The following SLC14A2 variants were observed in gnomAD, a reference collection of about 807,000 sequenced individuals.
SLC14A2 encodes solute carrier family 14 member 2, also known as urea transporter 2.
In SLC14A2, 91 loss-of-function variants were observed where a neutral mutation model predicts 104.6. The observed-to-expected ratio is 0.87, with a 90% CI of 0.73 to 1.04. The LOEUF is 1.04. SLC14A2 is among the 50% of genes least tolerant of loss of function. The pLI, the probability that SLC14A2 is intolerant of heterozygous loss-of-function variation, is 0.00. For synonymous variants in SLC14A2, 476 were observed against 466.4 expected (o/e 1.02, Z -0.27); for missense variants, 1,189 against 1,156.0 (o/e 1.03, Z -0.41).
At chr18:45,579,621 G>A (rs1424630244) in intron 2 of SLC14A2, among the ~76,000 whole-genome samples, 1 of 152,210 alleles carries the variant, frequency 6.6e-6, no homozygotes, top group Non-Finnish European at 1.5e-5. Context: ...TTTCATGTCA[G>A]CAGCATGAAA....
intron 1 of SLC14A2, among the ~76,000 whole-genome samples, chr18:45,402,413 G>C (rs1275252958): frequency 6.6e-6 from 1 of 152,130 alleles, no homozygotes; most frequent in Non-Finnish European, 1.5e-5. Context: ...AGCCCTCATC[G>C]CTGTCATTAT....
chr18:45,231,719 T>C (rs749242953), intron 1 of SLC14A2, among the ~76,000 whole-genome samples: 3 of 152,208 alleles, frequency 2.0e-5, no homozygotes, highest in Non-Finnish European at 4.4e-5. Context: ...TGCTGGCAAG[T>C]GAGGGGCATG....
At chr18:45,220,407 C>T (rs1054613985) in intron 1 of SLC14A2, among the ~76,000 whole-genome samples, 1 of 152,152 alleles carries the variant, frequency 6.6e-6, no homozygotes, top group African/African-American at 2.4e-5. Context: ...TTACTTAGTC[C>T]TAGGTTTCTG....
chr18:45,312,210 G>A (rs966290453), intron 1 of SLC14A2, among the ~76,000 whole-genome samples: 2 of 152,122 alleles, frequency 1.3e-5, no homozygotes, highest in Admixed American at 6.5e-5. Context: ...AGCACTTAAC[G>A]TGGTGTTTTT....
At chr18:45,226,422 A>G (rs2144008271) in intron 1 of SLC14A2, among the ~76,000 whole-genome samples, 2 of 152,268 alleles carry the variant, frequency 1.3e-5, no homozygotes, top group Admixed American at 1.3e-4. Context: ...ACCAACCCAA[A>G]TGTCCATCAA....
At chr18:45,681,407 G>C (rs918014814) in intron 19 of SLC14A2, among the ~76,000 whole-genome samples, 1 of 152,212 alleles carries the variant, frequency 6.6e-6, no homozygotes, top group African/African-American at 2.4e-5. Flanking sequence ...TTTGGCAAGA[G>C]GGGGCATATT....
At chr18:45,626,592 G>T (rs907911239) in intron 3 of SLC14A2, among the ~76,000 whole-genome samples, 1 of 151,688 alleles carries the variant, frequency 6.6e-6, no homozygotes, top group Non-Finnish European at 1.5e-5. Flanking sequence ...AGAATTTCCT[G>T]CCCCCACCCC....
At position 45,258,213 on chromosome 18, in the gene SLC14A2, C is replaced by G. The variant is rs760137981; in HGVS notation, c.-125+45022C>G. On this transcript the variant is annotated intron_variant, in intron 1 of 20. Transcript: ENST00000586448. ...GAACGAGGCTGACTGACACTAAAGC[C>G]TGGACTCTGCACGCTCACACTGGGC... is the stretch of plus-strand genomic sequence containing the variant. Among the ~76,000 whole-genome samples the G allele has an allele frequency of 1.1e-4, 11 of 103,808 alleles. 2 individuals carry two copies. Among genetic ancestry groups the G allele is most frequent in the Non-Finnish European group, 2.0e-4 (10 of 49,290 alleles). 68.1% of individuals were successfully genotyped at this position (103,808 alleles called of 152,430 possible).
the SLC14A2 span, chr18:45,180,867 AG>A: frequency 6.6e-6 from 1 of 152,230 alleles, no homozygotes; most frequent in African/African-American, 2.4e-5. Context: ...AAAATAAAAA[AG>A]TTTACTGAAG....
At chr18:45,453,055 A>G (rs1028515530) in intron 1 of SLC14A2, among the ~76,000 whole-genome samples, 1 of 152,172 alleles carries the variant, frequency 6.6e-6, no homozygotes, top group African/African-American at 2.4e-5. Context: ...CCTTGAGACA[A>G]CTGGTGCAAC....
chr18:45,673,817 G>T lies in SLC14A2; in HGVS notation c.2512G>T (p.Ala838Ser). 2 of 1,613,724 alleles carry T rather than the reference G, an allele frequency of 1.2e-6. No individual in the cohort carries two copies. Among genetic ancestry groups the T allele is most frequent in the Non-Finnish European group, 8.5e-7 (1 of 1,179,682 alleles). ...WQTHLLAIAC[A>S]LFAAYLGAAL... ...GACGCACCTCCTCGCCATCGCCTGCGGTAGGTACTCCCCACAGAGGATTTG... is the reference window on the plus strand; with the variant it reads ...GACGCACCTCCTCGCCATCGCCTGCTGTAGGTACTCCCCACAGAGGATTTG... Residue 838 changes from alanine (A) to serine (S), a missense_variant and splice_region_variant, in exon 18 of 20, where the codon GCA (alanine) becomes TCA (serine). Transcript: ENST00000255226.
chr18:45,289,381 C>T (rs1033994583), intron 1 of SLC14A2, among the ~76,000 whole-genome samples: 3 of 151,910 alleles, frequency 2.0e-5, no homozygotes, highest in African/African-American at 4.8e-5. Context: ...TCTTTGAGTC[C>T]CCTTGAGGCT....
chr18:45,276,297 A>G (rs953851807), intron 1 of SLC14A2, among the ~76,000 whole-genome samples: 4 of 152,236 alleles, frequency 2.6e-5, no homozygotes, highest in African/African-American at 9.6e-5. Context: ...TAGGGACCCA[A>G]TAGAAATACA....
chr18:45,301,323 G>A (rs572423150), intron 1 of SLC14A2, among the ~76,000 whole-genome samples: 44 of 152,256 alleles, frequency 2.9e-4, no homozygotes, highest in African/African-American at 9.6e-4. Context: ...TTGCTGCATC[G>A]GTCTCCTGTT....
chr18:45,207,197 T>C, the SLC14A2 span, among the ~76,000 whole-genome samples: 6 of 152,072 alleles, frequency 3.9e-5, no homozygotes, highest in African/African-American at 4.8e-5. Context: ...TATCACACTT[T>C]AGTCAAAAAT....
At position 45,681,316 on chromosome 18, in the gene SLC14A2, G is replaced by T. The variant is rs1478540049; in HGVS notation, c.2563-1003G>T. On this transcript the variant is annotated intron_variant, in intron 19 of 19. Transcript: ENST00000255226. ...CCTGACCTCGTGATCCGCCCGCCTC[G>T]GCCTCCCAAAGTGCTGGGATTACAG... Among the ~76,000 whole-genome samples the T allele has an allele frequency of 1.7e-3, 4 of 2,318 alleles. 2 individuals carry two copies. Among genetic ancestry groups the T allele is most frequent in the African/African-American group, 1.8e-3 (4 of 2,272 alleles). 1.5% of individuals were successfully genotyped at this position (2,318 alleles called of 152,430 possible).
the SLC14A2 span, among the ~76,000 whole-genome samples, chr18:45,176,403 GC>G: frequency 6.6e-6 from 1 of 152,048 alleles, no homozygotes; most frequent in Non-Finnish European, 1.5e-5. Flanking sequence ...CCCAATCCTA[GC>G]CCCTTTCTCT....
chr18:45,393,747 G>T (rs1226927412), intron 1 of SLC14A2, among the ~76,000 whole-genome samples: 1 of 152,158 alleles, frequency 6.6e-6, no homozygotes, highest in Non-Finnish European at 1.5e-5. Context: ...TTGCAGGCTG[G>T]ATGCACAACA....
At chr18:45,493,718 C>G (rs1308611372) in intron 2 of SLC14A2, among the ~76,000 whole-genome samples, 2 of 152,186 alleles carry the variant, frequency 1.3e-5, no homozygotes, top group African/African-American at 2.4e-5. Context: ...CTATGATTTG[C>G]TTTATACTAG....
Sources: allele counts gnomAD v4.1 joint callset (sites outside exome capture counted in the v4.1 genomes callset), GRCh38; gene constraint gnomAD v4.1.1; transcripts MANE v1.5; gene names NCBI Gene and HGNC (gene_info 2026-07-23, HGNC 2026-07-21).